The following NDEL1 variants were observed in gnomAD, a reference collection of about 807,000 sequenced individuals.
The protein encoded by NDEL1 is nuclear distribution protein nudE-like 1.
A neutral mutation model predicts 45.7 loss-of-function variants in NDEL1; 9 were observed. The ratio of observed to expected loss-of-function variants is 0.20; its 90% CI spans 0.12 to 0.34. The LOEUF is 0.34. Ranked by LOEUF, NDEL1 falls within the 10% of genes least tolerant of loss-of-function variation. The pLI, the probability that NDEL1 is intolerant of heterozygous loss-of-function variation, is 1.00. For missense variants in NDEL1, 306 were observed against 406.2 expected (o/e 0.75, Z 2.12); for synonymous variants, 133 against 158.6 (o/e 0.84, Z 1.21).
At chr17:8,473,189 T>A (rs1395906464) in intron 3 of NDEL1, among the ~76,000 whole-genome samples, 1 of 151,634 alleles carries the variant, frequency 6.6e-6, no homozygotes, top group Non-Finnish European at 1.5e-5. Context: ...AGGGAAGAAT[T>A]CTTTTTTTTT....
chr17:8,455,409 C>T lies in NDEL1; in HGVS notation c.792+522C>T, dbSNP rs186537694. Among the ~76,000 whole-genome samples the T allele has an allele frequency of 2.0e-3, 311 of 152,288 alleles. 1 individual carries two copies. The highest frequency in any genetic ancestry group is 6.9e-3 in the African/African-American group (288 of 41,552). On this transcript the variant is annotated intron_variant, in intron 7 of 8. Transcript: ENST00000334527. ...TCGCTTCTGAAATATTAAACCCAGC[C>T]GGACGCGGTGGCTCACGCCTGTAAT... is the stretch of plus-strand genomic sequence containing the variant.
At chr17:8,424,955 C>A (rs1908796457) in intron 1 of NDEL1, among the ~76,000 whole-genome samples, 1 of 152,182 alleles carries the variant, frequency 6.6e-6, no homozygotes, top group African/African-American at 2.4e-5. Flanking sequence ...GCGTGAACCC[C>A]CATGCCTAGC....
intron 6 of NDEL1, among the ~76,000 whole-genome samples, chr17:8,452,740 CTT>C: frequency 1.0e-4 from 10 of 95,592 alleles, no homozygotes; most frequent in Admixed American, 6.4e-4. Context: ...TTTTTCTTCT[CTT>C]TTTTTTTTTT....
intron 1 of NDEL1, among the ~76,000 whole-genome samples, chr17:8,423,077 G>C (rs1862339890): frequency 6.6e-6 from 1 of 152,178 alleles, no homozygotes; most frequent in South Asian, 2.1e-4. Flanking sequence ...GTATCTCATA[G>C]GGATGGATGA....
upstream of NDEL1, among the ~76,000 whole-genome samples, chr17:8,433,659 A>G (rs1225458368): frequency 1.3e-5 from 2 of 152,198 alleles, no homozygotes; most frequent in Non-Finnish European, 2.9e-5. Flanking sequence ...GCAAGTTAGA[A>G]CAAATTTATT....
chr17:8,427,470 G>GATC (rs1322003293), intron 1 of NDEL1, among the ~76,000 whole-genome samples: 1 of 152,164 alleles, frequency 6.6e-6, no homozygotes, highest in Non-Finnish European at 1.5e-5. Context: ...GGAGGCCGAG[G>GATC]CAGGCAGATC....
In NDEL1 at chr17:8,424,881, C is replaced by G. The variant is rs141258117; in HGVS notation, c.-13+11612C>G. Among the ~76,000 whole-genome samples the G allele has an allele frequency of 9.7e-4, 148 of 152,200 alleles. 1 individual carries two copies. Among genetic ancestry groups the G allele is most frequent in the African/African-American group, 3.4e-3 (143 of 41,522 alleles). On this transcript the variant is annotated intron_variant, in intron 1 of 4. Coordinates refer to the NDEL1 transcript ENST00000582812. ...ACGGGCTCTCACTGTCTTGCTCAGG[C>G]TGGTCTTGAACTCCTGGGCTCAAGC...
chr17:8,454,522 AT>A (rs1910710260), intron 6 of NDEL1, among the ~76,000 whole-genome samples: 1 of 152,152 alleles, frequency 6.6e-6, no homozygotes, highest in South Asian at 2.1e-4. Flanking sequence ...CAGCAGTTCT[AT>A]TTTTAGGAAT....
At chr17:8,453,250 A>G (rs1476947065) in intron 6 of NDEL1, among the ~76,000 whole-genome samples, 1 of 152,174 alleles carries the variant, frequency 6.6e-6, no homozygotes, top group East Asian at 1.9e-4. Flanking sequence ...CAAAGCCCCT[A>G]CCTTCAATGA....
chr17:8,450,700 T>G (rs1463866384), intron 5 of NDEL1, 80 bp from the exon 6 acceptor site: 3 of 1,250,060 alleles, frequency 2.4e-6, no homozygotes, highest in Non-Finnish European at 3.3e-6. Flanking sequence ...AAGACCTTTA[T>G]GACATTTTAG....
upstream of NDEL1, among the ~76,000 whole-genome samples, chr17:8,434,727 A>G (rs1218785606): frequency 2.0e-5 from 3 of 151,934 alleles, no homozygotes; most frequent in Non-Finnish European, 4.4e-5. Flanking sequence ...ACACGCGCGC[A>G]CACACACATA....
intron 1 of NDEL1, among the ~76,000 whole-genome samples, chr17:8,422,691 G>A (rs190680656): frequency 1.3e-5 from 2 of 151,938 alleles, no homozygotes; most frequent in Admixed American, 6.6e-5. Flanking sequence ...AACGGAAAAT[G>A]TTTTCCATGT....
chr17:8,452,422 A>G (rs760908046), intron 6 of NDEL1, among the ~76,000 whole-genome samples: 3 of 152,178 alleles, frequency 2.0e-5, no homozygotes, highest in Non-Finnish European at 4.4e-5. Context: ...GTGGCACGGC[A>G]TGAGGTGTGC....
chr17:8,469,170 C>T (rs1281298388), downstream of NDEL1, among the ~76,000 whole-genome samples: 4 of 152,148 alleles, frequency 2.6e-5, no homozygotes, highest in Admixed American at 6.5e-5. Flanking sequence ...CTGTGCTTGG[C>T]TGAGCTGCAG....
downstream of NDEL1, among the ~76,000 whole-genome samples, chr17:8,469,648 A>T (rs565531972): frequency 5.9e-5 from 9 of 151,456 alleles, no homozygotes; most frequent in Non-Finnish European, 1.0e-4. Context: ...AATTAAAAAA[A>T]TTTTTGTCCT....
intron 1 of NDEL1, among the ~76,000 whole-genome samples, chr17:8,428,862 ACG>A (rs1908927455): frequency 2.0e-5 from 3 of 151,068 alleles, no homozygotes; most frequent in Non-Finnish European, 4.4e-5. Flanking sequence ...TTTAGTAGAG[ACG>A]GGGTTTCACC....
chr17:8,473,894 G>GA (rs1458209148), intron 3 of NDEL1, among the ~76,000 whole-genome samples: 1 of 152,228 alleles, frequency 6.6e-6, no homozygotes, highest in Non-Finnish European at 1.5e-5. Flanking sequence ...CTGGACCCCT[G>GA]AAAATGTCCT....
chr17:8,460,552 A>C (rs1911134524), intron 8 of NDEL1, among the ~76,000 whole-genome samples: 1 of 152,346 alleles, frequency 6.6e-6, no homozygotes, highest in East Asian at 1.9e-4. Flanking sequence ...CCCCTGTGAG[A>C]ATTTTAGAGA....
At chr17:8,463,720 T>TA (rs1278240517) in intron 8 of NDEL1, among the ~76,000 whole-genome samples, 1 of 152,232 alleles carries the variant, frequency 6.6e-6, no homozygotes, top group Non-Finnish European at 1.5e-5. Flanking sequence ...CTGGGGGTCT[T>TA]CCCGTTACCC....
Sources: allele counts gnomAD v4.1 joint callset (sites outside exome capture counted in the v4.1 genomes callset), GRCh38; gene constraint gnomAD v4.1.1; transcripts MANE v1.5; gene names NCBI Gene and HGNC (gene_info 2026-07-23, HGNC 2026-07-21).